GLI3: variants seen among roughly 807,000 people sequenced by gnomAD.
GLI3 encodes transcription activator GLI3.
In GLI3, 20 loss-of-function variants were observed where a neutral mutation model predicts 100.8. The observed-to-expected ratio is 0.20, with a 90% CI of 0.14 to 0.29. The LOEUF is 0.29. GLI3 is among the 10% of genes least tolerant of loss of function. The probability of loss-of-function intolerance (pLI) is 1.00; values close to 1 mark genes in which losing one functional copy is unlikely to be tolerated. For synonymous variants in GLI3, 938 were observed against 860.5 expected, an observed-to-expected ratio of 1.09 and a Z score of -1.58; for missense variants, 2,040 against 2,128.5, an observed-to-expected ratio of 0.96 and a Z score of 0.82.
intron 2 of GLI3, among the ~76,000 whole-genome samples, chr7:42,177,181 G>C (rs1016476186): frequency 6.6e-6 from 1 of 152,132 alleles, no homozygotes; most frequent in African/African-American, 2.4e-5. Flanking sequence ...GAGAGTGATA[G>C]AAAGAGAGTG....
At chr7:42,251,898 C>T (rs946996894) in intron 1 of GLI3, among the ~76,000 whole-genome samples, 2 of 151,808 alleles carry the variant, frequency 1.3e-5, no homozygotes, top group Admixed American at 6.6e-5. Context: ...CTAGTGTGAT[C>T]GAGTGGAACC....
chr7:42,181,939 G>A (rs2128682341), intron 2 of GLI3, among the ~76,000 whole-genome samples: 1 of 152,326 alleles, frequency 6.6e-6, no homozygotes, highest in East Asian at 1.9e-4. Flanking sequence ...TCAGATTACA[G>A]GACTTCAGAG....
intron 10 of GLI3, among the ~76,000 whole-genome samples, chr7:41,997,538 A>G (rs1788160822): frequency 6.6e-6 from 1 of 152,224 alleles, no homozygotes; most frequent in South Asian, 2.1e-4. Flanking sequence ...GCAAAAGAAA[A>G]AAGTGTCCAA....
intron 1 of GLI3, among the ~76,000 whole-genome samples, chr7:42,261,283 G>T (rs62443844): frequency 6.6e-6 from 1 of 151,802 alleles, no homozygotes. Context: ...TAAATGATCA[G>T]ATCTCATGAG....
At chr7:42,036,026 A>T (rs947881939) in intron 7 of GLI3, among the ~76,000 whole-genome samples, 2 of 152,240 alleles carry the variant, frequency 1.3e-5, no homozygotes, top group Non-Finnish European at 2.9e-5. Context: ...AATGCATTTT[A>T]AAAAATCTGA....
At chr7:41,977,251 T>A (rs544057716) in intron 12 of GLI3, among the ~76,000 whole-genome samples, 398 of 152,376 alleles carry the variant, frequency 2.6e-3, no homozygotes, top group African/African-American at 8.9e-3. Context: ...GCAGCGTGAC[T>A]GGCTCAGATT....
intron 6 of GLI3, among the ~76,000 whole-genome samples, chr7:42,041,061 G>A (rs1784126700): frequency 1.3e-5 from 2 of 152,188 alleles, no homozygotes; most frequent in South Asian, 4.1e-4. Context: ...TTTAAAAGGT[G>A]GGGATGTTGC....
chr7:42,253,985 C>T (rs138356687), intron 1 of GLI3, among the ~76,000 whole-genome samples: 240 of 152,186 alleles, frequency 1.6e-3, no homozygotes, highest in African/African-American at 5.6e-3. Context: ...TCTGGGAGGC[C>T]GAGGCAGGTG....
chr7:41,978,454 C>G (rs547970337), intron 11 of GLI3, 145 bp downstream of exon 11: 17 of 799,242 alleles, frequency 2.1e-5, no homozygotes, highest in African/African-American at 2.0e-4. Context: ...ACTCAAACAC[C>G]GAGGCATTTA....
chr7:42,055,486 G>T (rs1402778780), intron 4 of GLI3, among the ~76,000 whole-genome samples: 1 of 152,096 alleles, frequency 6.6e-6, no homozygotes, highest in Non-Finnish European at 1.5e-5. Flanking sequence ...CTCTCTGCTA[G>T]CTGTGGCTCT....
intron 4 of GLI3, among the ~76,000 whole-genome samples, chr7:42,059,941 T>G (rs2128746620): frequency 6.6e-6 from 1 of 152,360 alleles, no homozygotes; most frequent in African/African-American, 2.4e-5. Flanking sequence ...TGTCTCACTC[T>G]CCTGCTCCCT....
chr7:42,076,719 C>T (rs1407108557), intron 4 of GLI3, 33 bp downstream of exon 4: 1 of 1,328,204 alleles, frequency 7.5e-7, no homozygotes, highest in South Asian at 1.2e-5. Flanking sequence ...CATCTCGTTC[C>T]ATTTCATTAA....
At chr7:41,982,545 TA>T (rs941959297) in intron 10 of GLI3, among the ~76,000 whole-genome samples, 9 of 147,984 alleles carry the variant, frequency 6.1e-5, no homozygotes, top group Non-Finnish European at 9.0e-5. Context: ...ACCCCATGTC[TA>T]AAAAAAAAAT....
chr7:41,967,827 C>T lies in GLI3; in HGVS notation c.2200G>A (p.Asp734Asn), dbSNP rs140479817. The change falls in exon 14 of 15, where the codon GAT (aspartate) becomes AAT (asparagine). Residue 734 changes from aspartate (D) to asparagine (N), a missense_variant. Physicochemically the swap from Asp to Asn is conservative, Grantham distance 23 (BLOSUM62 1). This residue lies in a region of GLI3 where 327 missense variants were observed against 338.7 expected (regional missense o/e 0.97). Transcript: ENST00000395925. ...CTGAGGTCTCCTATACTACCTCCAT[C>T]GGTCAGAGGAAGCTCGAGCCCACTG... is the stretch of plus-strand genomic sequence containing the variant. ...SNSGLELPLT[D>N]GGSIGDLSAI... 1.6e-4 allele frequency: 263 copies of T among 1,613,946 alleles called. No homozygotes were observed. The highest frequency in any genetic ancestry group is 2.1e-4 in the Non-Finnish European group (242 of 1,179,996).
chr7:42,249,911 A>G (rs1684850661), intron 1 of GLI3, among the ~76,000 whole-genome samples: 1 of 152,142 alleles, frequency 6.6e-6, no homozygotes, highest in Non-Finnish European at 1.5e-5. Context: ...CCTGGGCAAC[A>G]TGATGAAACC....
rs558725428 is a variant in GLI3, at chr7:42,111,719, C to G, written c.368-34862G>C. Among the ~76,000 whole-genome samples the G allele has an allele frequency of 6.6e-5, 10 of 152,292 alleles. No individual in the cohort carries two copies. The South Asian group carries it at 2.1e-3, about 32-fold the overall frequency. On this transcript the variant is annotated intron_variant, in intron 3 of 14. Transcript: ENST00000395925. ...TCCCTGAAGCTAAGCACCTTTTCTACCAGCTAGCTCACCTAGCTCTGTTCT... is the reference window on the plus strand; with the variant it reads ...TCCCTGAAGCTAAGCACCTTTTCTAGCAGCTAGCTCACCTAGCTCTGTTCT...
intron 3 of GLI3, among the ~76,000 whole-genome samples, chr7:42,139,405 C>G (rs991461167): frequency 6.6e-6 from 1 of 152,118 alleles, no homozygotes; most frequent in South Asian, 2.1e-4. Context: ...GCTGGCTGGG[C>G]ATGGTGGCTC....
chr7:42,098,935 A>G (rs576219404), intron 3 of GLI3, among the ~76,000 whole-genome samples: 6 of 152,160 alleles, frequency 3.9e-5, no homozygotes, highest in South Asian at 2.1e-4. Flanking sequence ...AGAAGAGGGG[A>G]CCCTTGTGGG....
At chr7:42,109,169 T>A (rs1411477975) in intron 3 of GLI3, among the ~76,000 whole-genome samples, 1 of 152,140 alleles carries the variant, frequency 6.6e-6, no homozygotes, top group Non-Finnish European at 1.5e-5. Context: ...CCCCCTACAA[T>A]CTTTTGTTTT....
Sources: allele counts gnomAD v4.1 joint callset (sites outside exome capture counted in the v4.1 genomes callset), GRCh38; gene constraint gnomAD v4.1.1; regional missense constraint gnomAD v4.1.1; transcripts MANE v1.5; gene names NCBI Gene and HGNC (gene_info 2026-07-23, HGNC 2026-07-21).